Variants in SLC17A1 observed in about 807,000 individuals in gnomAD.
SLC17A1 encodes the protein sodium-dependent phosphate transport protein 1.
Under a neutral mutation model 53.5 loss-of-function variants are expected in SLC17A1, and 51 were observed. That is an observed-to-expected ratio of 0.95 (90% CI 0.76 to 1.20). SLC17A1 has a LOEUF of 1.20. Among genes scored for constraint, SLC17A1 ranks in the 50% most tolerant of loss-of-function variants. The pLI, the probability that SLC17A1 is intolerant of heterozygous loss-of-function variation, is 0.00. For synonymous variants in SLC17A1, 179 were observed against 198.8 expected (o/e 0.90, Z 0.84); for missense variants, 538 against 568.2 (o/e 0.95, Z 0.54).
At chr6:25,730,615 A>C in the SLC17A1 span, among the ~76,000 whole-genome samples, 3 of 152,232 alleles carry the variant, frequency 2.0e-5, no homozygotes. Context: ...GTTGTATTGA[A>C]AATTGCAAAG....
At position 25,814,989 on chromosome 6, in the gene SLC17A1, A is replaced by T. The variant is rs1239090202; in HGVS notation, c.617-1776T>A. 8.2e-4 allele frequency among the ~76,000 whole-genome samples: 19 copies of T among 23,282 alleles called. 1 individual carries two copies. The highest frequency in any genetic ancestry group is 4.6e-3 in the African/African-American group (14 of 3,028). The allele number at this position is 23,282 out of a possible 152,430, so 15.3% of individuals were successfully genotyped here. A position where few individuals can be genotyped will look rare whatever the true frequency, so the allele number is the denominator to read the frequency against. On this transcript the variant is annotated intron_variant, in intron 6 of 12. Coordinates refer to ENST00000244527, the MANE Select transcript of SLC17A1 (RefSeq NM_005074.5). ...CGACAAAAGCAAGACTCTGTCACACAAACACACACACACACACACACACAC... is the reference window on the plus strand; with the variant it reads ...CGACAAAAGCAAGACTCTGTCACACTAACACACACACACACACACACACAC...
chr6:25,750,184 A>C, the SLC17A1 span, among the ~76,000 whole-genome samples: 1 of 152,224 alleles, frequency 6.6e-6, no homozygotes, highest in Non-Finnish European at 1.5e-5. Flanking sequence ...AGCTGTTATT[A>C]GAGTTTAGAA....
chr6:25,766,006 T>C, the SLC17A1 span, among the ~76,000 whole-genome samples: 2 of 151,806 alleles, frequency 1.3e-5, no homozygotes, highest in Non-Finnish European at 2.9e-5. Flanking sequence ...GCATTGAAAA[T>C]GTATAATATG....
At chr6:25,740,431 ATAAGT>A in the SLC17A1 span, among the ~76,000 whole-genome samples, 1 of 152,184 alleles carries the variant, frequency 6.6e-6, no homozygotes, top group African/African-American at 2.4e-5. Flanking sequence ...ATTGATTAAT[ATAAGT>A]TATTTGTTGT....
chr6:25,747,296 G>A, the SLC17A1 span, among the ~76,000 whole-genome samples: 2 of 152,216 alleles, frequency 1.3e-5, no homozygotes, highest in African/African-American at 2.4e-5. Context: ...TAAATATGTA[G>A]ATCATGGTAG....
At chr6:25,731,900 C>A in the SLC17A1 span, 1 of 1,602,738 alleles carries the variant, frequency 6.2e-7, no homozygotes, top group Admixed American at 1.7e-5. Flanking sequence ...AGGTGATGGT[C>A]GAGCGCTTGT....
chr6:25,806,973 G>A (rs1467431775), intron 10 of SLC17A1, among the ~76,000 whole-genome samples: 1 of 152,090 alleles, frequency 6.6e-6, no homozygotes, highest in Non-Finnish European at 1.5e-5. Flanking sequence ...AAACCATAGT[G>A]AGATACTACC....
intron 11 of SLC17A1, among the ~76,000 whole-genome samples, chr6:25,799,458 A>G (rs1443616330): frequency 1.3e-5 from 2 of 152,048 alleles, no homozygotes; most frequent in Admixed American, 6.6e-5. Flanking sequence ...GAAGTTAACT[A>G]TATTACTCAT....
chr6:25,788,923 T>G (rs1445983521), intron 12 of SLC17A1, among the ~76,000 whole-genome samples: 1 of 152,142 alleles, frequency 6.6e-6, no homozygotes, highest in Non-Finnish European at 1.5e-5. Context: ...TGTATTGGAC[T>G]GGAATGGATG....
At chr6:25,787,407 C>A (rs924756779) in intron 12 of SLC17A1, among the ~76,000 whole-genome samples, 1 of 151,724 alleles carries the variant, frequency 6.6e-6, no homozygotes, top group Non-Finnish European at 1.5e-5. Flanking sequence ...AGATTAAGAA[C>A]AATGATGCCC....
intron 9 of SLC17A1, 27 bp downstream of exon 9, chr6:25,811,611 T>C: frequency 1.9e-6 from 3 of 1,613,738 alleles, no homozygotes; most frequent in Non-Finnish European, 2.5e-6. Flanking sequence ...ATCTCCCAAG[T>C]GCTTAAATGT....
the SLC17A1 span, among the ~76,000 whole-genome samples, chr6:25,766,136 G>T: frequency 1.3e-5 from 2 of 149,706 alleles, no homozygotes; most frequent in African/African-American, 2.4e-5. Flanking sequence ...AAATATAATT[G>T]AATTATAATT....
the SLC17A1 span, among the ~76,000 whole-genome samples, chr6:25,748,464 AG>A: frequency 2.0e-5 from 3 of 152,210 alleles, no homozygotes; most frequent in African/African-American, 7.2e-5. Flanking sequence ...CTAGAAGAAA[AG>A]GGAAAAAATG....
intron 1 of SLC17A1, 33 bp downstream of exon 1, chr6:25,831,961 G>A (rs1426148214): frequency 6.6e-6 from 1 of 152,064 alleles, no homozygotes; most frequent in Non-Finnish European, 1.5e-5. Context: ...TCAACTGATT[G>A]CTCATTTCAT....
At chr6:25,766,669 C>G in the SLC17A1 span, among the ~76,000 whole-genome samples, 1 of 152,142 alleles carries the variant, frequency 6.6e-6, no homozygotes, top group African/African-American at 2.4e-5. Flanking sequence ...CATGGCCTTC[C>G]TCTCAAAAAC....
the SLC17A1 span, among the ~76,000 whole-genome samples, chr6:25,757,392 T>C: frequency 1.3e-5 from 2 of 152,044 alleles, no homozygotes; most frequent in African/African-American, 2.4e-5. Context: ...TGTAACTTTA[T>C]ATCTGCTTGG....
chr6:25,826,746 T>C, intron 2 of SLC17A1, 113 bp from the exon 3 acceptor site: 1 of 590,240 alleles, frequency 1.7e-6, no homozygotes, highest in Non-Finnish European at 2.7e-6. Context: ...TTTAAAATTT[T>C]ATTGTACTTA....
At chr6:25,749,096 T>C in the SLC17A1 span, among the ~76,000 whole-genome samples, 1 of 152,200 alleles carries the variant, frequency 6.6e-6, no homozygotes, top group African/African-American at 2.4e-5. Context: ...GTGAGGTCTT[T>C]CTCATCCCAC....
At chr6:25,784,049 C>CT (rs1763326183) in intron 12 of SLC17A1, among the ~76,000 whole-genome samples, 1 of 152,146 alleles carries the variant, frequency 6.6e-6, no homozygotes, top group African/African-American at 2.4e-5. Context: ...AAGGCACACA[C>CT]TATCTTTCCT....
Sources: allele counts gnomAD v4.1 joint callset (sites outside exome capture counted in the v4.1 genomes callset), GRCh38; gene constraint gnomAD v4.1.1; transcripts MANE v1.5; gene names NCBI Gene and HGNC (gene_info 2026-07-23, HGNC 2026-07-21).